The following TENM4 variants were observed in gnomAD, a reference collection of about 807,000 sequenced individuals.
The protein encoded by TENM4 is teneurin-4.
In TENM4, 82 loss-of-function variants were observed where a neutral mutation model predicts 243.3. The ratio of observed to expected loss-of-function variants is 0.34; its 90% CI spans 0.28 to 0.40. The LOEUF (loss-of-function observed/expected upper bound fraction) is 0.40. Among genes scored for constraint, TENM4 ranks in the 10% least tolerant of loss-of-function variants. The pLI is 1.00. For synonymous variants in TENM4, 1,412 were observed against 1,456.3 expected (o/e 0.97, Z 0.69); for missense variants, 3,138 against 3,673.3 (o/e 0.85, Z 3.77).
intron 2 of TENM4, among the ~76,000 whole-genome samples, chr11:79,281,589 C>T (rs912809998): frequency 6.6e-6 from 1 of 152,078 alleles, no homozygotes; most frequent in Admixed American, 6.5e-5. Flanking sequence ...TTAGTTTGAC[C>T]TCTTGGTGAT....
intron 2 of TENM4, among the ~76,000 whole-genome samples, chr11:79,221,692 T>A (rs1286296163): frequency 6.6e-6 from 1 of 152,092 alleles, no homozygotes; most frequent in African/African-American, 2.4e-5. Flanking sequence ...CACAGCGTAA[T>A]GGAATGTTTC....
At chr11:78,875,107 C>T (rs1379598556) in intron 9 of TENM4, among the ~76,000 whole-genome samples, 1 of 152,240 alleles carries the variant, frequency 6.6e-6, no homozygotes, top group African/African-American at 2.4e-5. Context: ...TCCTGAAGCA[C>T]TTTGGGTGCA....
intron 30 of TENM4, among the ~76,000 whole-genome samples, chr11:78,675,508 G>C (rs1186662750): frequency 1.3e-5 from 2 of 152,192 alleles, no homozygotes; most frequent in African/African-American, 4.8e-5. Context: ...GGGCACTCAG[G>C]CCCTGGCAGA....
At chr11:78,890,118 A>G (rs1333398248) in intron 8 of TENM4, 98 bp from the exon 9 acceptor site, 8 of 944,220 alleles carry the variant, frequency 8.5e-6, no homozygotes, top group South Asian at 6.8e-5. Context: ...AGAAGCATGC[A>G]GAGGAGCCTG....
In TENM4 at chr11:78,856,161, A is replaced by G. The variant is rs1858675720; in HGVS notation, c.1273T>C (p.Phe425Leu). The G allele has an allele frequency of 1.3e-6, 2 of 1,551,488 alleles. 1 individual carries two copies. The highest frequency in any genetic ancestry group is 3.9e-5 in the Admixed American group (2 of 50,988). Residue 425 changes from phenylalanine (F) to leucine (L), a missense_variant, in exon 11 of 34, where the codon TTT becomes CTT. Coordinates refer to ENST00000278550, the MANE Select transcript of TENM4 (RefSeq NM_001098816.3). ...GTTEGKPSSF[F>L]PEDSFIDSGE... The stretch of plus-strand genomic sequence containing the variant: ...GAATCTATGAAACTGTCCTCTGGAA[A>G]GAAACTACTGGGCTTTCCTACCAAG...
At chr11:79,100,777 G>A (rs1263936459) in intron 4 of TENM4, among the ~76,000 whole-genome samples, 2 of 152,156 alleles carry the variant, frequency 1.3e-5, no homozygotes, top group African/African-American at 2.4e-5. Context: ...TTACAAGGAA[G>A]CCCCTCCCTC....
chr11:78,827,100 T>C (rs962259523), intron 12 of TENM4, among the ~76,000 whole-genome samples: 5 of 152,268 alleles, frequency 3.3e-5, no homozygotes, highest in African/African-American at 1.2e-4. Context: ...TTATTTAACA[T>C]AGAAATTCAA....
rs114688388 is a variant in TENM4, at chr11:78,890,481, C to T, written c.849-461G>A. On this transcript the variant is annotated intron_variant, in intron 8 of 33. Transcript: ENST00000278550. The stretch of plus-strand genomic sequence containing the variant: ...CTTCTCCCTCCAATGCTTCTGTTGC[C>T]GGTGTATCTCAACTGAGGATTGGAA... Among the ~76,000 whole-genome samples the T allele has an allele frequency of 3.8e-3, 583 of 152,274 alleles. 3 individuals carry two copies. Among genetic ancestry groups the T allele is most frequent in the African/African-American group, 0.012 (501 of 41,544 alleles).
intron 1 of TENM4, among the ~76,000 whole-genome samples, chr11:79,410,996 T>C (rs1229277454): frequency 6.6e-6 from 1 of 152,090 alleles, no homozygotes; most frequent in Non-Finnish European, 1.5e-5. Context: ...CAAGTGGATA[T>C]GGTCACTCAT....
At chr11:79,308,979 G>C (rs1590868965) in intron 1 of TENM4, among the ~76,000 whole-genome samples, 1 of 152,140 alleles carries the variant, frequency 6.6e-6, no homozygotes, top group East Asian at 1.9e-4. Context: ...TATCTGATGA[G>C]AAACCAAAGG....
At chr11:79,067,833 A>T (rs1172855194) in intron 5 of TENM4, 1 of 152,208 alleles carries the variant, frequency 6.6e-6, no homozygotes, top group Admixed American at 6.5e-5. Context: ...CTCACTCAAC[A>T]TCTAGCTGTG....
chr11:79,102,474 A>T (rs1861258518), intron 4 of TENM4, among the ~76,000 whole-genome samples: 1 of 152,198 alleles, frequency 6.6e-6, no homozygotes, highest in African/African-American at 2.4e-5. Context: ...GCCAGCGCTG[A>T]GCTAGGTAAA....
intron 28 of TENM4, among the ~76,000 whole-genome samples, chr11:78,695,167 A>G (rs1252424939): frequency 2.0e-5 from 3 of 150,502 alleles, no homozygotes; most frequent in Non-Finnish European, 4.4e-5. Context: ...TCCTGCCTCA[A>G]CCTCCTGAGT....
rs542425520 is a variant in TENM4 at position 79,061,955 on chromosome 11, G to T, written c.493+2783C>A. ...GCACTGTGCTTAGGTTGAGATAATC[G>T]GTGGCAACTATTTTTTTTTTTTTTT... is the stretch of plus-strand genomic sequence containing the variant. On this transcript the variant is annotated intron_variant, in intron 6 of 33. Coordinates refer to ENST00000278550, the MANE Select transcript of TENM4 (RefSeq NM_001098816.3). Among the ~76,000 whole-genome samples, 82 of 139,612 alleles carry T rather than the reference G, an allele frequency of 5.9e-4. No individual in the cohort carries two copies. The South Asian group carries it at 0.018, about 31-fold the overall frequency. The allele number at this position is 139,612 out of a possible 152,430, so 91.6% of individuals were successfully genotyped here. A position where few individuals can be genotyped will look rare whatever the true frequency, so the allele number is the denominator to read the frequency against.
chr11:79,113,369 G>A (rs528896919), intron 4 of TENM4, among the ~76,000 whole-genome samples: 4 of 147,786 alleles, frequency 2.7e-5, no homozygotes, highest in Admixed American at 6.7e-5. Flanking sequence ...TTCTGTCTGA[G>A]TTACTCCCCC....
At chr11:79,330,238 C>T (rs188358819) in intron 1 of TENM4, among the ~76,000 whole-genome samples, 127 of 152,276 alleles carry the variant, frequency 8.3e-4, no homozygotes, top group Middle Eastern at 3.4e-3. Flanking sequence ...CAACCAGGTT[C>T]AGGGGTAGAC....
chr11:78,723,443 T>G (rs2135847805), intron 23 of TENM4, among the ~76,000 whole-genome samples: 1 of 152,380 alleles, frequency 6.6e-6, no homozygotes, highest in East Asian at 1.9e-4. Context: ...TAGATACCAG[T>G]GAATGTTTAT....
chr11:78,895,041 C>T lies in TENM4; in HGVS notation c.750-3705G>A, dbSNP rs569423449. 2.1e-5 allele frequency among the ~76,000 whole-genome samples: 3 copies of T among 146,218 alleles called. No individual in the cohort carries two copies. The South Asian group carries it at 6.8e-4, about 33-fold the overall frequency. On this transcript the variant is annotated intron_variant, in intron 7 of 33. Coordinates refer to ENST00000278550, the MANE Select transcript of TENM4 (RefSeq NM_001098816.3). ...TTCTGGCTATTCAGAATGCTACTAC[C>T]GCCTTGAAATAGTCTTGTTCTGCTG...
At chr11:79,119,646 C>T (rs1031210790) in intron 4 of TENM4, among the ~76,000 whole-genome samples, 65 of 152,148 alleles carry the variant, frequency 4.3e-4, no homozygotes, top group African/African-American at 1.1e-3. Flanking sequence ...AGTAAGTGTG[C>T]GCAGAGGCAG....
Sources: gnomAD v4.1 joint callset for allele counts (sites outside exome capture counted in the v4.1 genomes callset) on GRCh38, gnomAD v4.1.1 for gene constraint, MANE v1.5 for transcripts, NCBI Gene and HGNC (gene_info 2026-07-23, HGNC 2026-07-21) for gene names.